Variants in GUCY1A2 observed in about 807,000 individuals in gnomAD.
GUCY1A2 encodes guanylate cyclase 1 soluble subunit alpha 2, also known as guanylate cyclase soluble subunit alpha-2.
A neutral mutation model predicts 63.5 loss-of-function variants in GUCY1A2; 27 were observed. The ratio of observed to expected loss-of-function variants is 0.43; its 90% CI spans 0.31 to 0.59. GUCY1A2 has a LOEUF of 0.59. Ranked by LOEUF, GUCY1A2 falls within the 20% of genes least tolerant of loss-of-function variation. The probability of loss-of-function intolerance (pLI) is 0.11; values close to 1 mark genes in which losing one functional copy is unlikely to be tolerated. For synonymous variants in GUCY1A2, 364 were observed against 343.5 expected, an observed-to-expected ratio of 1.06 and a Z score of -0.66; for missense variants, 768 against 913.3, an observed-to-expected ratio of 0.84 and a Z score of 2.05.
chr11:106,827,209 T>C (rs1207200741), intron 4 of GUCY1A2: 1 of 1,521,394 alleles, frequency 6.6e-7, no homozygotes, highest in African/African-American at 1.4e-5. Flanking sequence ...GCCTACATTA[T>C]CTGATTTAGA....
chr11:107,017,238 C>T (rs1262983246), intron 1 of GUCY1A2, among the ~76,000 whole-genome samples: 2 of 152,122 alleles, frequency 1.3e-5, no homozygotes, highest in Non-Finnish European at 2.9e-5. Flanking sequence ...ACATAGAATG[C>T]AGATAGCCTG....
intron 5 of GUCY1A2, among the ~76,000 whole-genome samples, chr11:106,793,650 A>T (rs78342575): frequency 0.038 from 5,794 of 152,172 alleles, 351 homozygotes; most frequent in East Asian, 0.2. Flanking sequence ...CATACAACTC[A>T]ATAGCAAAAA....
chr11:106,907,447 C>T (rs1161183882), intron 4 of GUCY1A2, among the ~76,000 whole-genome samples: 1 of 151,774 alleles, frequency 6.6e-6, no homozygotes, highest in Non-Finnish European at 1.5e-5. Context: ...GGTACATGTG[C>T]ACAATGTGCA....
chr11:106,952,095 A>C (rs1431724256), intron 3 of GUCY1A2, among the ~76,000 whole-genome samples: 2 of 152,076 alleles, frequency 1.3e-5, no homozygotes, highest in Non-Finnish European at 2.9e-5. Flanking sequence ...CCATTGGTCT[A>C]TATGTCGGTT....
intron 5 of GUCY1A2, among the ~76,000 whole-genome samples, 161 bp from the exon 6 acceptor site, chr11:106,776,743 C>A (rs1221280739): frequency 6.6e-6 from 1 of 152,146 alleles, no homozygotes; most frequent in Non-Finnish European, 1.5e-5. Flanking sequence ...AGTTTGCAAA[C>A]AGCCACAGTC....
chr11:106,800,224 ACAGT>A (rs1864848856), intron 5 of GUCY1A2, among the ~76,000 whole-genome samples: 1 of 152,218 alleles, frequency 6.6e-6, no homozygotes, highest in African/African-American at 2.4e-5. Context: ...CGATCATTAA[ACAGT>A]CAGGAAACAA....
chr11:106,832,889 G>A (rs1302625787), intron 4 of GUCY1A2, among the ~76,000 whole-genome samples: 1 of 152,094 alleles, frequency 6.6e-6, no homozygotes, highest in Non-Finnish European at 1.5e-5. Flanking sequence ...CCTTAGCTCA[G>A]CACCTACTAT....
intron 4 of GUCY1A2, among the ~76,000 whole-genome samples, chr11:106,855,304 C>A (rs1195017250): frequency 6.6e-6 from 1 of 152,102 alleles, no homozygotes; most frequent in Non-Finnish European, 1.5e-5. Flanking sequence ...TCTCACCTAC[C>A]TTTTCCCCAC....
intron 4 of GUCY1A2, among the ~76,000 whole-genome samples, chr11:106,870,918 C>T (rs1339941830): frequency 6.6e-6 from 1 of 152,162 alleles, no homozygotes; most frequent in East Asian, 1.9e-4. Flanking sequence ...TTCTTGCTTT[C>T]TCCTAGGACT....
At chr11:106,886,081 C>T (rs998401025) in intron 4 of GUCY1A2, among the ~76,000 whole-genome samples, 4 of 152,154 alleles carry the variant, frequency 2.6e-5, no homozygotes, top group Admixed American at 2.6e-4. Flanking sequence ...TCTTCCCCTT[C>T]TTGATCACAA....
chr11:106,841,129 C>A (rs1859191017), intron 4 of GUCY1A2, among the ~76,000 whole-genome samples: 1 of 151,796 alleles, frequency 6.6e-6, no homozygotes, highest in African/African-American at 2.4e-5. Context: ...GATCTCTTTT[C>A]TCCCTGGGCC....
At chr11:106,798,813 GA>G (rs1864815540) in intron 5 of GUCY1A2, among the ~76,000 whole-genome samples, 1 of 152,040 alleles carries the variant, frequency 6.6e-6, no homozygotes, top group African/African-American at 2.4e-5. Context: ...ATATCATACT[GA>G]ATGGGCAAAA....
chr11:106,698,524 A>G (rs1403926331), intron 7 of GUCY1A2, among the ~76,000 whole-genome samples: 5 of 152,196 alleles, frequency 3.3e-5, no homozygotes, highest in Non-Finnish European at 7.3e-5. Flanking sequence ...GCAAAGATAT[A>G]TAGTATAGTT....
intron 6 of GUCY1A2, among the ~76,000 whole-genome samples, chr11:106,775,591 A>C (rs186836583): frequency 6.6e-6 from 1 of 152,144 alleles, no homozygotes; most frequent in Admixed American, 6.5e-5. Context: ...ATTTAACCCA[A>C]TATTTTCATA....
At chr11:106,732,627 T>G (rs1464754237) in intron 6 of GUCY1A2, among the ~76,000 whole-genome samples, 2 of 152,168 alleles carry the variant, frequency 1.3e-5, no homozygotes, top group Non-Finnish European at 2.9e-5. Context: ...AAACAAAATG[T>G]TATTCCTAAC....
intron 6 of GUCY1A2, among the ~76,000 whole-genome samples, chr11:106,762,726 A>G (rs1292024917): frequency 3.9e-5 from 6 of 152,060 alleles, no homozygotes; most frequent in Non-Finnish European, 8.8e-5. Flanking sequence ...ATTGGCATGA[A>G]TTCTTTCCCA....
chr11:106,911,561 C>T (rs1465077739), intron 4 of GUCY1A2, among the ~76,000 whole-genome samples: 2 of 151,980 alleles, frequency 1.3e-5, no homozygotes. Flanking sequence ...CCTTTAAATG[C>T]CCAAAGGTTG....
At chr11:106,709,634 A>G (rs1221967172) in intron 6 of GUCY1A2, among the ~76,000 whole-genome samples, 1 of 96,860 alleles carries the variant, frequency 1.0e-5, no homozygotes, top group Non-Finnish European at 1.9e-5. Flanking sequence ...TATATTATAT[A>G]CACGTATAGA....
intron 6 of GUCY1A2, among the ~76,000 whole-genome samples, chr11:106,709,934 T>C (rs1357464860): frequency 2.4e-4 from 2 of 8,470 alleles, no homozygotes; most frequent in African/African-American, 4.2e-4. Context: ...AGTTATATAT[T>C]ATATACATGT....
Sources: gnomAD v4.1 joint callset for allele counts (sites outside exome capture counted in the v4.1 genomes callset) on GRCh38, gnomAD v4.1.1 for gene constraint, MANE v1.5 for transcripts, NCBI Gene and HGNC (gene_info 2026-07-23, HGNC 2026-07-21) for gene names.